Variants in MPC1 observed in about 807,000 individuals in gnomAD.
MPC1 encodes HSPC040 protein.
A neutral mutation model predicts 13.9 loss-of-function variants in MPC1; 6 were observed. That is an observed-to-expected ratio of 0.43 (90% CI 0.24 to 0.85). The LOEUF is 0.85. Ranked by LOEUF, MPC1 falls within the 40% of genes least tolerant of loss-of-function variation. The pLI, the probability that MPC1 is intolerant of heterozygous loss-of-function variation, is 0.24. For missense variants in MPC1, 115 were observed against 143.3 expected (o/e 0.80, Z 1.01); for synonymous variants, 47 against 50.5 (o/e 0.93, Z 0.29).
At chr6:166,375,748 C>T (rs904423765) in intron 1 of MPC1, among the ~76,000 whole-genome samples, 10 of 152,206 alleles carry the variant, frequency 6.6e-5, no homozygotes, top group Non-Finnish European at 1.2e-4. Context: ...CCAAAGCACA[C>T]ACCATATGAT....
At chr6:166,382,017 C>T (rs1370068563) in intron 1 of MPC1, among the ~76,000 whole-genome samples, 1 of 152,266 alleles carries the variant, frequency 6.6e-6, no homozygotes, top group Non-Finnish European at 1.5e-5. Flanking sequence ...CACCCCACAC[C>T]CAGGTCGCCG....
intron 1 of MPC1, among the ~76,000 whole-genome samples, chr6:166,379,606 C>G (rs1382993173): frequency 6.6e-6 from 1 of 152,172 alleles, no homozygotes; most frequent in South Asian, 2.1e-4. Flanking sequence ...TAAATTTATG[C>G]TGAAAAACTC....
At chr6:166,378,957 T>A (rs891557537) in intron 1 of MPC1, among the ~76,000 whole-genome samples, 1 of 152,252 alleles carries the variant, frequency 6.6e-6, no homozygotes, top group Non-Finnish European at 1.5e-5. Flanking sequence ...AAATCCATCA[T>A]TCAAACTCAT....
chr6:166,371,130 G>A (rs1779365196), intron 1 of MPC1, among the ~76,000 whole-genome samples: 3 of 152,124 alleles, frequency 2.0e-5, no homozygotes, highest in African/African-American at 4.8e-5. Flanking sequence ...TTCCTTAAAA[G>A]TGGTAAGTTG....
chr6:166,376,008 A>AT (rs944778554), intron 1 of MPC1, among the ~76,000 whole-genome samples: 26 of 152,100 alleles, frequency 1.7e-4, no homozygotes, highest in Admixed American at 7.9e-4. Flanking sequence ...GGATTCATCT[A>AT]TTTTTTCTTG....
At chr6:166,380,939 C>CAAAAAAAAAAAAAAAAA (rs1175434820) in intron 1 of MPC1, among the ~76,000 whole-genome samples, 2 of 47,728 alleles carry the variant, frequency 4.2e-5, no homozygotes, top group Admixed American at 2.3e-4. Flanking sequence ...AACTCTGTCT[C>CAAAAAAAAAAAAAAAAA]AAAAAAAAAA....
At chr6:166,372,946 T>C (rs1583064610) in intron 1 of MPC1, among the ~76,000 whole-genome samples, 1 of 152,232 alleles carries the variant, frequency 6.6e-6, no homozygotes, top group African/African-American at 2.4e-5. Context: ...GAGGAGAAAC[T>C]ATATTTCCAG....
At chr6:166,367,218 C>T in intron 2 of MPC1, 4 of 1,095,346 alleles carry the variant, frequency 3.7e-6, no homozygotes, top group Non-Finnish European at 4.6e-6. Flanking sequence ...AAATAAGATT[C>T]ACTTCTTACA....
chr6:166,374,818 G>A (rs1240676725), intron 1 of MPC1, among the ~76,000 whole-genome samples: 3 of 152,182 alleles, frequency 2.0e-5, no homozygotes, highest in Admixed American at 6.5e-5. Flanking sequence ...TCCTTTGCCA[G>A]TACCACGCTG....
At chr6:166,382,713 C>T in intron 1 of MPC1, 93 bp downstream of exon 1, 1 of 1,331,102 alleles carries the variant, frequency 7.5e-7, no homozygotes, top group South Asian at 1.4e-5. Context: ...GGGGCCACCG[C>T]GTCCTCGCGG....
At chr6:166,379,152 G>A (rs1706785208) in intron 1 of MPC1, among the ~76,000 whole-genome samples, 1 of 152,132 alleles carries the variant, frequency 6.6e-6, no homozygotes, top group Non-Finnish European at 1.5e-5. Flanking sequence ...CTAAGTGAGA[G>A]CCTGTTTCAT....
At chr6:166,382,498 C>G (rs1546855) in intron 1 of MPC1, among the ~76,000 whole-genome samples, 2 of 146,686 alleles carry the variant, frequency 1.4e-5, no homozygotes, top group African/African-American at 5.0e-5. Context: ...CCCTGAGGAG[C>G]GCCCACTGTC....
rs1779846507 is a variant in MPC1, at chr6:166,382,675, C to T, written c.71+131G>A. On this transcript the variant is annotated intron_variant, in intron 1 of 4. Coordinates refer to ENST00000360961, the MANE Select transcript of MPC1 (RefSeq NM_016098.4). ...GGCCCCCCTGACAAGCGCACCCTCT[C>T]GCCTGGGCCCCGGCCCACCCGCTGC... 9.8e-6 allele frequency: 9 copies of T among 922,748 alleles called. No individual in the cohort carries two copies. In the East Asian group the frequency reaches 9.8e-5, roughly 10 times the overall value. The allele number at this position is 922,748 out of a possible 1,614,324, so 57.2% of individuals were successfully genotyped here.
intron 2 of MPC1, chr6:166,367,260 TA>T: frequency 1.2e-6 from 1 of 865,334 alleles, no homozygotes; most frequent in Non-Finnish European, 1.4e-6. Context: ...CAAACCCTGT[TA>T]GAACTATTCT....
intron 3 of MPC1, 147 bp from the exon 4 acceptor site, chr6:166,366,253 T>C: frequency 1.1e-6 from 1 of 875,146 alleles, no homozygotes; most frequent in Non-Finnish European, 1.6e-6. Context: ...GTTACTTAAA[T>C]GCCTGTATCA....
chr6:166,365,474 A>G lies in MPC1; in HGVS notation c.306-21T>C. ...TCATCCTGGAAAGAAACAAAAAGAA[A>G]AATTCAATGAGAAACAAAATTTCAA... is the stretch of plus-strand genomic sequence containing the variant. On this transcript the variant is annotated intron_variant, in intron 4 of 4. Transcript: ENST00000360961. The surrounding 1 kb of genome is among the most constrained non-coding windows in gnomAD (Gnocchi z 4.2). 6.4e-7 allele frequency: 1 copy of G among 1,566,740 alleles called. No homozygotes were observed.
At chr6:166,378,296 T>G (rs1480736354) in intron 1 of MPC1, among the ~76,000 whole-genome samples, 1 of 152,246 alleles carries the variant, frequency 6.6e-6, no homozygotes, top group Non-Finnish European at 1.5e-5. Flanking sequence ...CTTGAGAATA[T>G]TCAATGCAAA....
At position 166,382,868 on chromosome 6, in the gene MPC1, G is replaced by T. The variant is rs770608276; in HGVS notation, c.9C>A (p.Gly3=). The T allele has an allele frequency of 3.8e-6, 6 of 1,591,104 alleles. No individual in the cohort carries two copies. The highest frequency in any genetic ancestry group is 5.1e-6 in the Non-Finnish European group (6 of 1,171,114). The part of the protein sequence containing the change: MA[G]ALVRKAADYV... Reference sequence around the variant, plus strand: ...AGTCCGCCGCTTTCCGCACCAACGCGCCCGCCATGGCTGTGCCGACACCAG... The same window carrying T: ...AGTCCGCCGCTTTCCGCACCAACGCTCCCGCCATGGCTGTGCCGACACCAG... Residue 3 remains glycine (G), a synonymous_variant, in exon 1 of 5, where the codon GGC becomes GGA. Transcript: ENST00000360961.
intron 1 of MPC1, among the ~76,000 whole-genome samples, chr6:166,373,185 G>T (rs147011456): frequency 2.1e-3 from 326 of 152,118 alleles, no homozygotes; most frequent in African/African-American, 7.5e-3. Context: ...CTACATTAAG[G>T]TTCCCTGTTA....
Sources: allele counts gnomAD v4.1 joint callset (sites outside exome capture counted in the v4.1 genomes callset), GRCh38; gene constraint gnomAD v4.1.1; non-coding constraint Gnocchi (gnomAD v3.1); transcripts MANE v1.5; gene names NCBI Gene and HGNC (gene_info 2026-07-23, HGNC 2026-07-21).